PLEKHG2: variants seen among roughly 807,000 people sequenced by gnomAD.
PLEKHG2 encodes pleckstrin homology domain-containing family G member 2.
PLEKHG2 carries 71 observed loss-of-function variants against 104.4 expected under a neutral mutation model. The ratio of observed to expected loss-of-function variants is 0.68; its 90% CI spans 0.56 to 0.83. The LOEUF (loss-of-function observed/expected upper bound fraction) is 0.83. Ranked by LOEUF, PLEKHG2 falls within the 40% of genes least tolerant of loss-of-function variation. The probability of loss-of-function intolerance (pLI) is 0.00; values close to 1 mark genes in which losing one functional copy is unlikely to be tolerated. For missense variants in PLEKHG2, 1,730 were observed against 1,809.4 expected (o/e 0.96, Z 0.80); for synonymous variants, 728 against 737.0 (o/e 0.99, Z 0.20).
At chr19:39,418,656 C>CCTCCAAGGGTGT (rs2145993736) in intron 9 of PLEKHG2, 78 bp from the exon 10 acceptor site, 1 of 1,191,082 alleles carries the variant, frequency 8.4e-7, no homozygotes, top group Non-Finnish European at 1.2e-6. Flanking sequence ...CCCAGATACA[C>CCTCCAAGGGTGT]CTCCAAGGGT....
Position 39,415,958 on chromosome 19 carries a change from C to T in PLEKHG2, c.480-390C>T, listed in dbSNP as rs920048317. Among the ~76,000 whole-genome samples the T allele has an allele frequency of 6.6e-6, 1 of 152,136 alleles. No individual in the cohort carries two copies. Among genetic ancestry groups the T allele is most frequent in the African/African-American group, 2.4e-5 (1 of 41,422 alleles). On this transcript the variant is annotated intron_variant, in intron 4 of 18. Coordinates refer to ENST00000425673, the MANE Select transcript of PLEKHG2 (RefSeq NM_022835.3). The surrounding 1 kb of genome is among the most constrained non-coding windows in gnomAD (Gnocchi z 4.6). ...GGAAACTGCTCAGTCCCGGACAAAC[C>T]AGGATGGTTGGTCACTGTGGTAAGG...
At chr19:39,421,255 T>G (rs1438307523) in intron 15 of PLEKHG2, 28 bp from the exon 16 acceptor site, 2 of 1,605,406 alleles carry the variant, frequency 1.2e-6, no homozygotes. Context: ...CACTAATGCT[T>G]CTCTCTCTCT....
Position 39,417,020 on chromosome 19 carries a change from G to A in PLEKHG2, c.744+20G>A, listed in dbSNP as rs1265194892. The stretch of plus-strand genomic sequence containing the variant: ...CTGCAGGTCAGCTGGGGCCCCTGGA[G>A]CCAGGCTGGGGAGGGGGAGGTCCTG... On this transcript the variant is annotated intron_variant, in intron 7 of 18. Transcript: ENST00000425673. 4 of 1,585,540 alleles carry A rather than the reference G, an allele frequency of 2.5e-6. No individual in the cohort carries two copies. Among genetic ancestry groups the A allele is most frequent in the Admixed American group, 1.8e-5 (1 of 56,938 alleles).
In PLEKHG2 at chr19:39,415,182, C is replaced by T. The variant is rs1424253028; in HGVS notation, c.300C>T (p.Pro100=). 6.3e-7 allele frequency: 1 copy of T among 1,593,512 alleles called. No individual in the cohort carries two copies. Among genetic ancestry groups the T allele is most frequent in the Non-Finnish European group, 8.6e-7 (1 of 1,169,264 alleles). The change falls in exon 3 of 19, where the codon CCC becomes CCT. Residue 100 remains proline (P), a synonymous_variant. Coordinates refer to ENST00000425673, the MANE Select transcript of PLEKHG2 (RefSeq NM_022835.3). This position sits in a 1 kb window ranked among gnomAD's most constrained non-coding sequence, Gnocchi z 4.6. The part of the protein sequence containing the change: ...SPVGIPGSAR[P]SRLERVAREI... ...TGGGGATCCCAGGTTCAGCCAGACC[C>T]TCAAGGCTGGAGCGTGTGGCCCGGG...
rs1319958482 is a variant in PLEKHG2, at chr19:39,413,857, CTTCT to C, written c.-22-205_-22-202del. 23 of 412,176 alleles carry C rather than the reference CTTCT, an allele frequency of 5.6e-5. No homozygotes were observed. Among genetic ancestry groups the C allele is most frequent in the Non-Finnish European group, 8.6e-5 (19 of 220,330 alleles). The allele number at this position is 412,176 out of a possible 1,614,324, so 25.5% of individuals were successfully genotyped here. Reference sequence around the variant, plus strand: ...TTCTGCGCCTCCTGCTCCGCTCACTCTTCTTTGTCTCAGCCTTTCCATCTTTTTC... The same window carrying C: ...TTCTGCGCCTCCTGCTCCGCTCACTCTTGTCTCAGCCTTTCCATCTTTTTC... On this transcript the variant is annotated intron_variant, in intron 1 of 18. Transcript: ENST00000425673. The surrounding 1 kb of genome is among the most constrained non-coding windows in gnomAD (Gnocchi z 4.5).
Position 39,416,351 on chromosome 19 carries a change from G to A in PLEKHG2, c.483G>A (p.Glu161=). 6.2e-6 allele frequency: 10 copies of A among 1,612,840 alleles called. No individual in the cohort carries two copies. Among genetic ancestry groups the A allele is most frequent in the Non-Finnish European group, 8.5e-6 (10 of 1,179,744 alleles). The stretch of plus-strand genomic sequence containing the variant: ...CACCCTCCCCTCTCCCCTGTAGCGA[G>A]CTCCTGGAGGACTTGGAGAACAGCA... ...NIEDIYEFSS[E]LLEDLENSSS... The change falls in exon 5 of 19, where the codon GAG becomes GAA. Residue 161 remains glutamate (E), a synonymous_variant. Coordinates refer to ENST00000425673, the MANE Select transcript of PLEKHG2 (RefSeq NM_022835.3). This position sits in a 1 kb window ranked among gnomAD's most constrained non-coding sequence, Gnocchi z 4.5.
chr19:39,415,449 AG>A lies in PLEKHG2; in HGVS notation c.479+16del. 1 of 1,613,496 alleles carries A rather than the reference AG, an allele frequency of 6.2e-7. No individual in the cohort carries two copies. The highest frequency in any genetic ancestry group is 8.5e-7 in the Non-Finnish European group (1 of 1,179,668). ...TCTACGAGTTCAGCAGGTCAGGGGCAGGGGGGACAGGCAGGGGGCATTGATT... is the reference window on the plus strand; with the variant it reads ...TCTACGAGTTCAGCAGGTCAGGGGCAGGGGGACAGGCAGGGGGCATTGATT... On this transcript the variant is annotated intron_variant, in intron 4 of 18. Transcript: ENST00000425673. The surrounding 1 kb of genome is among the most constrained non-coding windows in gnomAD (Gnocchi z 4.6).
At position 39,412,962 on chromosome 19, in the gene PLEKHG2, C is replaced by G. The variant is rs1388315956; in HGVS notation, c.-473C>G. The G allele has an allele frequency of 6.6e-6, 1 of 152,242 alleles. No homozygotes were observed. Among genetic ancestry groups the G allele is most frequent in the African/African-American group, 2.4e-5 (1 of 41,472 alleles). 9.4% of individuals were successfully genotyped at this position (152,242 alleles called of 1,614,324 possible). ...CGCAGACTCCCTCCAGGGCTCCGAT[C>G]CCAAGACCCCGCGTTGGAGGAACTT... is the stretch of plus-strand genomic sequence containing the variant. On this transcript the variant is annotated 5_prime_UTR_variant, in exon 1 of 19. In the 5' UTR this introduces an upstream ATG that the reference lacks. Transcript: ENST00000425673.
Position 39,423,339 on chromosome 19 carries a change from G to C in PLEKHG2, c.2285G>C (p.Arg762Pro). 1 of 1,613,954 alleles carries C rather than the reference G, an allele frequency of 6.2e-7. No homozygotes were observed. Among genetic ancestry groups the C allele is most frequent in the Non-Finnish European group, 8.5e-7 (1 of 1,179,848 alleles). ...GGATTCCCAGATGAGCTGGCATTCC[G>C]CTCTTGCTCAGAAATCCGGAGCGCC... ...HQGFPDELAF[R>P]SCSEIRSAWQ... Residue 762 changes from arginine (R) to proline (P), a missense_variant, in exon 18 of 19, where the codon CGC becomes CCC. Coordinates refer to ENST00000425673, the MANE Select transcript of PLEKHG2 (RefSeq NM_022835.3).
At chr19:39,417,497 C>A in intron 7 of PLEKHG2, 58 bp from the exon 8 acceptor site, 2 of 1,586,700 alleles carry the variant, frequency 1.3e-6, no homozygotes, top group Non-Finnish European at 8.6e-7. Context: ...TATTCTCATT[C>A]TCTTTCTCCT....
intron 16 of PLEKHG2, 50 bp from the exon 17 acceptor site, chr19:39,422,065 G>C (rs1219833933): frequency 1.3e-6 from 2 of 1,547,054 alleles, no homozygotes; most frequent in East Asian, 4.7e-5. Context: ...GGTCCTCTAT[G>C]TGAGGGAGGA....
chr19:39,422,836 G>A lies in PLEKHG2; in HGVS notation c.1782G>A (p.Glu594=), dbSNP rs1276903833. The A allele has an allele frequency of 1.9e-6, 3 of 1,559,120 alleles. No homozygotes were observed. Among genetic ancestry groups the A allele is most frequent in the East Asian group, 2.3e-5 (1 of 44,418 alleles). The change falls in exon 18 of 19, where the codon GAG becomes GAA. Residue 594 remains glutamate (E), a synonymous_variant. Coordinates refer to ENST00000425673, the MANE Select transcript of PLEKHG2 (RefSeq NM_022835.3). ...QALPSRDSSE[E]EEEEEEGLEM... is the part of the protein sequence containing the mutation. ...TGCCCAGCCGGGACTCTTCAGAAGA[G>A]GAGGAGGAGGAAGAGGAAGGGCTGG... is the stretch of plus-strand genomic sequence containing the variant.
chr19:39,418,953 T>C lies in PLEKHG2; in HGVS notation c.1213T>C (p.Cys405Arg). The change falls in exon 11 of 19, where the codon TGT becomes CGT. Residue 405 changes from cysteine to arginine, a missense_variant. Transcript: ENST00000425673. ...NQEEKRLWIH[C>R]LQRLFFENHP... is the part of the protein sequence containing the mutation. ...AGAAGAGAAGAGGCTGTGGATTCAC[T>C]GTCTCCAGCGCCTCTTCTTTGAGAA... The C allele has an allele frequency of 1.9e-6, 3 of 1,613,234 alleles. No individual in the cohort carries two copies. The highest frequency in any genetic ancestry group is 2.5e-6 in the Non-Finnish European group (3 of 1,179,648).
chr19:39,421,097 C>G lies in PLEKHG2; in HGVS notation c.1470C>G (p.Val490=). ...RQSEPVKDPY[V]MFPQNAKPGF... is the part of the protein sequence containing the mutation. ...CAGAGCCGGTGAAGGACCCTTATGT[C>G]ATGTTCCCACAGAACGGTCAGTGAC... Residue 490 remains valine (V), a synonymous_variant, in exon 15 of 19, where the codon GTC becomes GTG. Transcript: ENST00000425673. 1 of 1,608,988 alleles carries G rather than the reference C, an allele frequency of 6.2e-7. No homozygotes were observed. Among genetic ancestry groups the G allele is most frequent in the Non-Finnish European group, 8.5e-7 (1 of 1,177,198 alleles).
chr19:39,425,268 G>A lies in PLEKHG2; in HGVS notation c.4135G>A (p.Ala1379Thr), dbSNP rs1277296983. Residue 1379 changes from alanine to threonine, a missense_variant, in exon 19 of 19, where the codon GCT becomes ACT. Transcript: ENST00000425673. ...ESMGLHRAQGAPDAPFHM is the reference protein window; with the variant it reads ...ESMGLHRAQGTPDAPFHM ...TATGGGCCTTCACAGGGCCCAGGGG[G>A]CTCCTGATGCCCCCTTCCACATGTG... The A allele has an allele frequency of 4.3e-6, 7 of 1,612,152 alleles. No individual in the cohort carries two copies. The highest frequency in any genetic ancestry group is 5.9e-6 in the Non-Finnish European group (7 of 1,179,554).
At position 39,414,189 on chromosome 19, in the gene PLEKHG2, C is replaced by G. The variant is rs1263975150; in HGVS notation, c.103C>G (p.Arg35Gly). The change falls in exon 2 of 19, where the codon CGG becomes GGG. Residue 35 changes from arginine (R) to glycine (G), a missense_variant. By Grantham distance (125) the Arg-to-Gly change is moderately radical. Transcript: ENST00000425673. ...VCDCGTVCET[R>G]TAPAAPTMAS... is the part of the protein sequence containing the mutation. ...TGACTGTGGCACCGTGTGTGAGACT[C>G]GGACAGGTGAGCCTAGAGGCAGGGG... The G allele has an allele frequency of 6.4e-7, 1 of 1,551,142 alleles. No individual in the cohort carries two copies. The highest frequency in any genetic ancestry group is 8.7e-7 in the Non-Finnish European group (1 of 1,146,734).
rs251859 is a variant in PLEKHG2, at chr19:39,428,089, A to G, written c.*2795A>G. 92,721 of 152,008 alleles carry G rather than the reference A, an allele frequency of 0.61. 29,496 individuals are homozygous for G. Among genetic ancestry groups the G allele is most frequent in the African/African-American group, 0.8 (33,068 of 41,452 alleles). The allele number at this position is 152,008 out of a possible 1,614,324, so 9.4% of individuals were successfully genotyped here. A position where few individuals can be genotyped will look rare whatever the true frequency, so the allele number is the denominator to read the frequency against. ...CTGGGCGTGGTGGTGGGTGCCGGTA[A>G]TCCTAGCTACTCAGGAGGCTGAGGC... On this transcript the variant is annotated 3_prime_UTR_variant, in exon 19 of 19. Transcript: ENST00000425673.
chr19:39,414,315 G>C (rs1465063535), intron 2 of PLEKHG2, 120 bp downstream of exon 2: 5 of 1,061,136 alleles, frequency 4.7e-6, no homozygotes, highest in Non-Finnish European at 6.9e-6. Flanking sequence ...GTCTGGTGGG[G>C]AAGGCGGGCC....
rs2078776943 is a variant in PLEKHG2 at position 39,425,919 on chromosome 19, T to C, written c.*625T>C. The C allele has an allele frequency of 6.5e-6, 1 of 152,770 alleles. No individual in the cohort carries two copies. The highest frequency in any genetic ancestry group is 2.4e-5 in the African/African-American group (1 of 41,420). The allele number at this position is 152,770 out of a possible 1,614,324, so 9.5% of individuals were successfully genotyped here. ...TTGCTTATCCAACTGTCTGCCTTAT[T>C]CACCCACCCATCCCTTTATCATTCT... On this transcript the variant is annotated 3_prime_UTR_variant, in exon 19 of 19. Coordinates refer to ENST00000425673, the MANE Select transcript of PLEKHG2 (RefSeq NM_022835.3).
Sources: gnomAD v4.1 joint callset for allele counts (sites outside exome capture counted in the v4.1 genomes callset) on GRCh38, gnomAD v4.1.1 for gene constraint, Gnocchi (gnomAD v3.1) non-coding constraint, MANE v1.5 for transcripts, NCBI Gene and HGNC (gene_info 2026-07-23, HGNC 2026-07-21) for gene names.